The following DUSP16 variants were observed in gnomAD, a reference collection of about 807,000 sequenced individuals.
DUSP16 encodes dual specificity phosphatase 16.
A neutral mutation model predicts 58.3 loss-of-function variants in DUSP16; 21 were observed. The ratio of observed to expected loss-of-function variants is 0.36; its 90% CI spans 0.26 to 0.52. DUSP16 has a LOEUF of 0.52. Among genes scored for constraint, DUSP16 ranks in the 20% least tolerant of loss-of-function variants. The probability of loss-of-function intolerance (pLI) is 0.94; values close to 1 mark genes in which losing one functional copy is unlikely to be tolerated. For synonymous variants in DUSP16, 320 were observed against 323.8 expected, an observed-to-expected ratio of 0.99 and a Z score of 0.12; for missense variants, 726 against 819.0, an observed-to-expected ratio of 0.89 and a Z score of 1.39.
In DUSP16 at chr12:12,473,573, C is replaced by T. The variant is rs765256476; in HGVS notation, c.*3260G>A. On this transcript the variant is annotated 3_prime_UTR_variant, in exon 7 of 7. Transcript: ENST00000298573. The stretch of plus-strand genomic sequence containing the variant: ...GATAGCTCTTCTAGTCTAGCTCACC[C>T]GGCCCAATCTTTCTTATAAATTTTC... Among the ~76,000 whole-genome samples, 15 of 152,136 alleles carry T rather than the reference C, an allele frequency of 9.9e-5. No homozygotes were observed. The highest frequency in any genetic ancestry group is 1.6e-4 in the Non-Finnish European group (11 of 68,034).
chr12:12,500,012 C>T (rs1943886988), intron 4 of DUSP16, among the ~76,000 whole-genome samples: 1 of 152,050 alleles, frequency 6.6e-6, no homozygotes, highest in African/African-American at 2.4e-5. Flanking sequence ...GAGCTTTAAC[C>T]CAGGGAGGCT....
At chr12:12,512,298 TA>T (rs1944090515) in intron 3 of DUSP16, among the ~76,000 whole-genome samples, 1 of 151,944 alleles carries the variant, frequency 6.6e-6, no homozygotes, top group South Asian at 2.1e-4. Flanking sequence ...TTGGAATGAC[TA>T]CCTTACCTCA....
At chr12:12,549,284 ACTAT>A (rs776018882) in intron 1 of DUSP16, among the ~76,000 whole-genome samples, 91 of 152,182 alleles carry the variant, frequency 6.0e-4, no homozygotes, top group Non-Finnish European at 9.4e-4. Context: ...TAAAAGGCAG[ACTAT>A]CTAGTATAGT....
intron 4 of DUSP16, among the ~76,000 whole-genome samples, chr12:12,494,455 A>G (rs1260537795): frequency 1.3e-5 from 2 of 152,224 alleles, no homozygotes. Flanking sequence ...TAGCAACTGT[A>G]AGACAGTTGC....
At chr12:12,519,655 GAGCCAAGTCAAAAATACACTGA>G (rs1487974052) in intron 3 of DUSP16, among the ~76,000 whole-genome samples, 185 bp downstream of exon 3, 3 of 152,222 alleles carry the variant, frequency 2.0e-5, no homozygotes, top group Admixed American at 2.0e-4. Context: ...AGAGGCACTT[GAGCCAAGTCAAAAATACACTGA>G]CCTATGTGGA....
chr12:12,490,878 C>G (rs1181962841), intron 4 of DUSP16, among the ~76,000 whole-genome samples: 3 of 152,172 alleles, frequency 2.0e-5, no homozygotes, highest in Non-Finnish European at 4.4e-5. Flanking sequence ...GAAAAGCATC[C>G]CTCTTCCTTC....
intron 1 of DUSP16, among the ~76,000 whole-genome samples, chr12:12,538,480 A>T (rs904085800): frequency 6.6e-6 from 1 of 152,232 alleles, no homozygotes; most frequent in Non-Finnish European, 1.5e-5. Flanking sequence ...ACTATTCATC[A>T]GTGGTAAAAG....
intron 1 of DUSP16, among the ~76,000 whole-genome samples, chr12:12,530,208 CA>C (rs1271364949): frequency 6.6e-6 from 1 of 152,164 alleles, no homozygotes; most frequent in Non-Finnish European, 1.5e-5. Context: ...GCCATACTAC[CA>C]GGAGTGGGAT....
At chr12:12,519,130 T>C (rs1764599352) in intron 3 of DUSP16, among the ~76,000 whole-genome samples, 1 of 152,234 alleles carries the variant, frequency 6.6e-6, no homozygotes, top group Non-Finnish European at 1.5e-5. Flanking sequence ...AGGATTTTCA[T>C]TTGCAAAACG....
At chr12:12,505,190 G>C (rs1477773901) in intron 3 of DUSP16, among the ~76,000 whole-genome samples, 2 of 152,178 alleles carry the variant, frequency 1.3e-5, no homozygotes, top group Non-Finnish European at 2.9e-5. Flanking sequence ...AACCGGAAGA[G>C]CCAGGTTATA....
At chr12:12,529,988 C>T (rs545177784) in intron 1 of DUSP16, among the ~76,000 whole-genome samples, 2 of 152,290 alleles carry the variant, frequency 1.3e-5, no homozygotes, top group African/African-American at 4.8e-5. Context: ...AATAGCACTG[C>T]AATAAACATG....
At chr12:12,499,670 C>T (rs943794885) in intron 4 of DUSP16, among the ~76,000 whole-genome samples, 1 of 152,172 alleles carries the variant, frequency 6.6e-6, no homozygotes, top group African/African-American at 2.4e-5. Flanking sequence ...CTTCCCTTTG[C>T]ATAGGAAAAT....
chr12:12,491,830 C>CT (rs1943763864), intron 4 of DUSP16, among the ~76,000 whole-genome samples: 2 of 152,178 alleles, frequency 1.3e-5, no homozygotes, highest in Admixed American at 6.5e-5. Context: ...CACCCTTCCA[C>CT]TTTCCAGCTC....
At chr12:12,504,412 C>T (rs899396434) in intron 3 of DUSP16, among the ~76,000 whole-genome samples, 14 of 152,146 alleles carry the variant, frequency 9.2e-5, no homozygotes, top group Admixed American at 6.5e-5. Context: ...CAGGGGAACA[C>T]CACCACGCCC....
chr12:12,520,691 T>G (rs942507303), intron 2 of DUSP16, among the ~76,000 whole-genome samples, 180 bp downstream of exon 2: 6 of 152,198 alleles, frequency 3.9e-5, no homozygotes, highest in African/African-American at 7.2e-5. Flanking sequence ...TTTAGAAATA[T>G]TATTAAATGT....
At chr12:12,547,761 T>C (rs893373866) in intron 1 of DUSP16, among the ~76,000 whole-genome samples, 3 of 152,184 alleles carry the variant, frequency 2.0e-5, no homozygotes, top group African/African-American at 2.4e-5. Flanking sequence ...GGTGGAGTGC[T>C]ACCTTCTAGC....
At chr12:12,553,058 G>T (rs956865034) in intron 1 of DUSP16, among the ~76,000 whole-genome samples, 1 of 152,080 alleles carries the variant, frequency 6.6e-6, no homozygotes, top group African/African-American at 2.4e-5. Context: ...TGGGATTACA[G>T]GCATGAGCCA....
intron 5 of DUSP16, among the ~76,000 whole-genome samples, chr12:12,483,082 T>C (rs2136192469): frequency 6.6e-6 from 1 of 152,158 alleles, no homozygotes; most frequent in East Asian, 1.9e-4. Context: ...AAGGCAATGA[T>C]GATGAAAACT....
chr12:12,547,531 TAAAAAAAAA>T (rs761142479), intron 1 of DUSP16, among the ~76,000 whole-genome samples: 2 of 66,680 alleles, frequency 3.0e-5, no homozygotes, highest in East Asian at 5.7e-4. Context: ...TGAGTAGGCT[TAAAAAAAAA>T]AAAAAAAAAA....
Sources: allele counts gnomAD v4.1 joint callset (sites outside exome capture counted in the v4.1 genomes callset), GRCh38; gene constraint gnomAD v4.1.1; transcripts MANE v1.5; gene names NCBI Gene and HGNC (gene_info 2026-07-23, HGNC 2026-07-21).